The following AP3B1 variants were observed in gnomAD, a reference collection of about 807,000 sequenced individuals.
AP3B1 encodes AP-3 complex subunit beta-1.
A neutral mutation model predicts 132.5 loss-of-function variants in AP3B1; 61 were observed. The ratio of observed to expected loss-of-function variants is 0.46; its 90% CI spans 0.37 to 0.57. AP3B1 has a LOEUF of 0.57. Among genes scored for constraint, AP3B1 ranks in the 20% least tolerant of loss-of-function variants. The pLI is 0.00. For synonymous variants in AP3B1, 388 were observed against 438.3 expected, an observed-to-expected ratio of 0.89 and a Z score of 1.43; for missense variants, 1,120 against 1,289.4, an observed-to-expected ratio of 0.87 and a Z score of 2.01.
intron 6 of AP3B1, among the ~76,000 whole-genome samples, 175 bp downstream of exon 6, chr5:78,225,367 T>G (rs1746360611): frequency 1.3e-5 from 2 of 152,076 alleles, no homozygotes; most frequent in South Asian, 4.1e-4. Flanking sequence ...AAACTCCAAA[T>G]GCAGTCTTTC....
At chr5:78,278,629 G>GAATT in intron 1 of AP3B1, among the ~76,000 whole-genome samples, 1 of 76,790 alleles carries the variant, frequency 1.3e-5, no homozygotes, top group African/African-American at 3.7e-5. Context: ...AAAAAAAGGG[G>GAATT]GGGGGGGACT....
intron 23 of AP3B1, among the ~76,000 whole-genome samples, chr5:78,035,577 T>C (rs1038781941): frequency 2.0e-5 from 3 of 152,152 alleles, no homozygotes; most frequent in Middle Eastern, 3.4e-3. Flanking sequence ...TTATATCTCA[T>C]AGGCTCAATG....
At chr5:78,034,864 T>C (rs1198155612) in intron 23 of AP3B1, among the ~76,000 whole-genome samples, 1 of 151,904 alleles carries the variant, frequency 6.6e-6, no homozygotes, top group Non-Finnish European at 1.5e-5. Flanking sequence ...ATATAAAAAG[T>C]AAATTTTAAA....
At chr5:78,061,124 G>T (rs1749036011) in intron 22 of AP3B1, among the ~76,000 whole-genome samples, 1 of 149,536 alleles carries the variant, frequency 6.7e-6, no homozygotes, top group Non-Finnish European at 1.5e-5. Context: ...AAATAATCTG[G>T]TCAAACATAG....
At chr5:78,258,375 G>C (rs1210335802) in intron 2 of AP3B1, among the ~76,000 whole-genome samples, 1 of 152,142 alleles carries the variant, frequency 6.6e-6, no homozygotes, top group Admixed American at 6.5e-5. Flanking sequence ...GGGGGCAAAA[G>C]ATTTGAAAAG....
intron 24 of AP3B1, among the ~76,000 whole-genome samples, chr5:78,026,264 A>G (rs1232929379): frequency 6.6e-6 from 1 of 152,230 alleles, no homozygotes; most frequent in African/African-American, 2.4e-5. Flanking sequence ...GCCGAGCTAC[A>G]TAGGACCAGA....
At chr5:78,149,676 A>C (rs1753562401) in intron 14 of AP3B1, among the ~76,000 whole-genome samples, 1 of 152,176 alleles carries the variant, frequency 6.6e-6, no homozygotes, top group South Asian at 2.1e-4. Context: ...AGATGAGAAA[A>C]CTGGAGCATA....
chr5:78,049,521 G>T (rs945913346), intron 22 of AP3B1, among the ~76,000 whole-genome samples: 1 of 152,164 alleles, frequency 6.6e-6, no homozygotes, highest in Non-Finnish European at 1.5e-5. Context: ...CAACTAGTGT[G>T]ATAAATGTCA....
intron 2 of AP3B1, among the ~76,000 whole-genome samples, chr5:78,254,964 C>T (rs574309077): frequency 3.9e-5 from 6 of 152,080 alleles, no homozygotes; most frequent in South Asian, 2.1e-4. Context: ...AGTTAAAGCA[C>T]GGAGTTTTTA....
intron 13 of AP3B1, among the ~76,000 whole-genome samples, chr5:78,161,998 C>T (rs949141399): frequency 1.3e-5 from 2 of 151,966 alleles, no homozygotes; most frequent in Non-Finnish European, 2.9e-5. Flanking sequence ...CATATCTAGA[C>T]ATGACATAGA....
intron 17 of AP3B1, among the ~76,000 whole-genome samples, chr5:78,119,911 A>G (rs1250937844): frequency 6.6e-6 from 1 of 152,218 alleles, no homozygotes; most frequent in Non-Finnish European, 1.5e-5. Flanking sequence ...ACTTGAAATG[A>G]AGGAAAAAAC....
chr5:78,174,634 G>T (rs1250168049), intron 11 of AP3B1, among the ~76,000 whole-genome samples: 2 of 152,358 alleles, frequency 1.3e-5, no homozygotes, highest in South Asian at 2.1e-4. Context: ...TGAGGTGTCT[G>T]TCGGCCCCTA....
At chr5:78,116,953 G>A (rs968787345) in intron 17 of AP3B1, among the ~76,000 whole-genome samples, 2 of 152,040 alleles carry the variant, frequency 1.3e-5, no homozygotes, top group Non-Finnish European at 2.9e-5. Flanking sequence ...AGAAAAAGCC[G>A]AAGTCCCTAC....
chr5:78,038,633 G>A (rs1300538214), intron 23 of AP3B1, among the ~76,000 whole-genome samples: 1 of 152,160 alleles, frequency 6.6e-6, no homozygotes, highest in African/African-American at 2.4e-5. Context: ...AAAGGATCTC[G>A]AGATACGAGA....
chr5:78,152,762 A>G (rs1034555149), intron 14 of AP3B1, among the ~76,000 whole-genome samples: 1 of 152,152 alleles, frequency 6.6e-6, no homozygotes, highest in Admixed American at 6.5e-5. Context: ...ACATGTTTCA[A>G]GAAATTTTTC....
intron 7 of AP3B1, among the ~76,000 whole-genome samples, chr5:78,183,149 G>A (rs533074821): frequency 6.6e-6 from 1 of 152,292 alleles, no homozygotes; most frequent in East Asian, 1.9e-4. Flanking sequence ...GACGGTTGGG[G>A]AGCCAGAAAT....
rs376839953 is a variant in AP3B1, at chr5:78,119,658, C to T, written c.1969-3424G>A. ...TTAGAGAAAAAAGAACAAAAAGAAA[C>T]GAACAAAGCCTCCAAGAAATGTGGG... On this transcript the variant is annotated intron_variant, in intron 17 of 26. Transcript: ENST00000255194. Among the ~76,000 whole-genome samples, 27 of 152,174 alleles carry T rather than the reference C, an allele frequency of 1.8e-4. 4 individuals are homozygous for T. The highest frequency in any genetic ancestry group is 1.4e-3 in the East Asian group (7 of 5,176).
chr5:78,016,142 T>A (rs1746846114), intron 25 of AP3B1, among the ~76,000 whole-genome samples: 1 of 152,008 alleles, frequency 6.6e-6, no homozygotes, highest in Non-Finnish European at 1.5e-5. Context: ...ATGGAAAGTG[T>A]TTTGCTGACA....
intron 26 of AP3B1, among the ~76,000 whole-genome samples, chr5:78,009,497 C>T (rs1746529882): frequency 6.6e-6 from 1 of 151,760 alleles, no homozygotes; most frequent in Non-Finnish European, 1.5e-5. Flanking sequence ...TGTTCTTTAC[C>T]TGTACTTGAA....
Sources: allele counts gnomAD v4.1 joint callset (sites outside exome capture counted in the v4.1 genomes callset), GRCh38; gene constraint gnomAD v4.1.1; transcripts MANE v1.5; gene names NCBI Gene and HGNC (gene_info 2026-07-23, HGNC 2026-07-21).